Variants in DMD observed in about 807,000 individuals in gnomAD.
DMD encodes mutant dystrophin.
In DMD, 63 loss-of-function variants were observed where a neutral mutation model predicts 330.1. That is an observed-to-expected ratio of 0.19 (90% CI 0.16 to 0.24). DMD has a LOEUF of 0.24. Among genes scored for constraint, DMD ranks in the 10% least tolerant of loss-of-function variants. The pLI, the probability that DMD is intolerant of heterozygous loss-of-function variation, is 1.00. For synonymous variants in DMD, 1,223 were observed against 959.8 expected, an observed-to-expected ratio of 1.27 and a Z score of -5.07; for missense variants, 3,344 against 2,684.1, an observed-to-expected ratio of 1.25 and a Z score of -5.43.
intron 44 of DMD, among the ~76,000 whole-genome samples, chrX:32,095,426 G>T (rs1389730962): frequency 9.0e-6 from 1 of 111,214 alleles, no homozygotes; most frequent in African/African-American, 3.3e-5. Flanking sequence ...GTTGGTTAAA[G>T]TCCTTATTTC....
intron 20 of DMD, among the ~76,000 whole-genome samples, chrX:32,488,935 C>G (rs1318856659): frequency 9.0e-6 from 1 of 110,872 alleles, no homozygotes; most frequent in Non-Finnish European, 1.9e-5. Context: ...TTCCTTCTGC[C>G]TGGAATCTTG....
intron 29 of DMD, among the ~76,000 whole-genome samples, chrX:32,429,865 G>T (rs1166848400): frequency 9.1e-6 from 1 of 110,468 alleles, no homozygotes; most frequent in Non-Finnish European, 1.9e-5. Context: ...TATATTTTTT[G>T]CAACAAATGC....
intron 17 of DMD, among the ~76,000 whole-genome samples, chrX:32,543,416 G>C (rs943599360): frequency 3.6e-5 from 4 of 110,305 alleles, no homozygotes; most frequent in Non-Finnish European, 5.7e-5. Context: ...GAATCAGCTT[G>C]CTCTGTTAAT....
intron 42 of DMD, among the ~76,000 whole-genome samples, chrX:32,301,495 A>G (rs1319952219): frequency 9.0e-6 from 1 of 110,892 alleles, no homozygotes; most frequent in Non-Finnish European, 1.9e-5. Context: ...CTTGGGTACA[A>G]GTCATTGTAT....
intron 7 of DMD, among the ~76,000 whole-genome samples, chrX:32,708,614 G>A (rs2064901334): frequency 9.0e-6 from 1 of 111,623 alleles, no homozygotes; most frequent in Non-Finnish European, 1.9e-5. Context: ...CCTTCATTAA[G>A]TATTTGTGGA....
chrX:31,643,322 T>C (rs1444719497), intron 54 of DMD, among the ~76,000 whole-genome samples: 4 of 111,981 alleles, frequency 3.6e-5, no homozygotes, highest in African/African-American at 9.7e-5. Flanking sequence ...GTATTTCTTG[T>C]AGATATATTA....
chrX:31,547,067 A>C (rs1432805341), intron 55 of DMD, among the ~76,000 whole-genome samples: 3 of 112,559 alleles, frequency 2.7e-5, no homozygotes, highest in Non-Finnish European at 5.6e-5. Context: ...TTTTACACTA[A>C]AATTTTCCAT....
At chrX:31,526,966 G>A (rs943369116) in intron 55 of DMD, among the ~76,000 whole-genome samples, 1 of 111,261 alleles carries the variant, frequency 9.0e-6, no homozygotes, top group African/African-American at 3.3e-5. Flanking sequence ...AAAAAGTAGC[G>A]GGGTGTGGTG....
intron 23 of DMD, 103 bp from the exon 24 acceptor site, chrX:32,464,802 G>A: frequency 1.7e-6 from 1 of 602,969 alleles, no homozygotes; most frequent in Admixed American, 2.4e-5. Context: ...CAATTCCCAT[G>A]TTTAAAGGAT....
At chrX:33,328,528 T>C (rs1426152362) in intron 1 of DMD, among the ~76,000 whole-genome samples, 1 of 111,514 alleles carries the variant, frequency 9.0e-6, no homozygotes, top group Non-Finnish European at 1.9e-5. Flanking sequence ...GGCCATGCTA[T>C]ACAACAGTTT....
intron 44 of DMD, among the ~76,000 whole-genome samples, chrX:31,982,925 A>G (rs1297709671): frequency 1.2e-5 from 1 of 86,587 alleles, no homozygotes; most frequent in Non-Finnish European, 2.6e-5. Context: ...TTCTTTCTCA[A>G]GTAACATTAT....
intron 55 of DMD, among the ~76,000 whole-genome samples, chrX:31,516,399 G>A (rs957277607): frequency 9.0e-6 from 1 of 110,663 alleles, no homozygotes; most frequent in African/African-American, 3.3e-5. Context: ...AACCACCGGA[G>A]GTTCCTAACC....
chrX:33,115,524 T>C (rs1347432811), intron 1 of DMD, among the ~76,000 whole-genome samples: 4 of 109,291 alleles, frequency 3.7e-5, no homozygotes, highest in Admixed American at 9.8e-5. Flanking sequence ...TCTTTTTTTT[T>C]TTTTCGAGAT....
rs2042993297 is a variant in DMD, at chrX:32,491,489, C to T, written c.2410G>A (p.Ala804Thr). Residue 804 changes from alanine (A) to threonine (T), a missense_variant, in exon 20 of 79, where the codon GCC becomes ACC. Ala to Thr is a moderately conservative substitution (Grantham distance 58). Transcript: ENST00000357033. ...EGVNADSIKQ[A>T]SEQLNSRWIE... Reference sequence around the variant, plus strand: ...CACCGGCTGTTCAGTTGTTCTGAGGCTTGTTTGATGCTATCTGCATTAACA... The same window carrying T: ...CACCGGCTGTTCAGTTGTTCTGAGGTTTGTTTGATGCTATCTGCATTAACA... The T allele has an allele frequency of 8.3e-7, 1 of 1,210,288 alleles. No individual in the cohort carries two copies. Among genetic ancestry groups the T allele is most frequent in the South Asian group, 1.8e-5 (1 of 56,846 alleles).
chrX:32,508,735 T>C (rs949604450), intron 18 of DMD, among the ~76,000 whole-genome samples: 1 of 112,129 alleles, frequency 8.9e-6, no homozygotes, highest in African/African-American at 3.2e-5. Flanking sequence ...GCTAAGACTA[T>C]ACCCGACAAA....
intron 34 of DMD, among the ~76,000 whole-genome samples, chrX:32,374,425 T>A (rs1406941000): frequency 8.9e-6 from 1 of 112,000 alleles, no homozygotes; most frequent in Non-Finnish European, 1.9e-5. Context: ...CTAGGATTTT[T>A]AGTAGTTTCA....
chrX:32,092,005 G>A lies in DMD; in HGVS notation c.6439-123491C>T, dbSNP rs182411730. 1.1e-4 allele frequency among the ~76,000 whole-genome samples: 12 copies of A among 111,775 alleles called. No individual in the cohort carries two copies. In the East Asian group the frequency reaches 3.1e-3, roughly 29 times the overall value. ...TTTCTTTGGTGTACATGGTTTTCAA[G>A]AAAACATGATTCATTATTTCAACAT... On this transcript the variant is annotated intron_variant, in intron 44 of 78. Coordinates refer to ENST00000357033, the MANE Select transcript of DMD (RefSeq NM_004006.3).
At chrX:32,794,412 A>T (rs1000370636) in intron 7 of DMD, among the ~76,000 whole-genome samples, 2 of 110,904 alleles carry the variant, frequency 1.8e-5, no homozygotes, top group Admixed American at 9.6e-5. Context: ...ACACGGTGAA[A>T]CCCCATCTCT....
intron 29 of DMD, among the ~76,000 whole-genome samples, chrX:32,427,906 T>G (rs1758139745): frequency 9.0e-6 from 1 of 111,524 alleles, no homozygotes; most frequent in African/African-American, 3.3e-5. Context: ...TTTGCATAGC[T>G]TTTAGTATTT....
Sources: gnomAD v4.1 joint callset for allele counts (sites outside exome capture counted in the v4.1 genomes callset) on GRCh38, gnomAD v4.1.1 for gene constraint, MANE v1.5 for transcripts, NCBI Gene and HGNC (gene_info 2026-07-23, HGNC 2026-07-21) for gene names.